SNAP25: variants seen among roughly 807,000 people sequenced by gnomAD.
SNAP25 encodes synaptosomal-associated protein 25.
SNAP25 carries 3 observed loss-of-function variants against 28.7 expected under a neutral mutation model. The ratio of observed to expected loss-of-function variants is 0.10; its 90% CI spans 0.05 to 0.27. SNAP25 has a LOEUF of 0.27. SNAP25 is among the 10% of genes least tolerant of loss of function. The pLI is 1.00. For missense variants in SNAP25, 117 were observed against 278.7 expected (o/e 0.42, Z 4.13); for synonymous variants, 61 against 88.1 (o/e 0.69, Z 1.72).
At chr20:10,223,199 C>A (rs1412924203) in intron 1 of SNAP25, among the ~76,000 whole-genome samples, 1 of 152,154 alleles carries the variant, frequency 6.6e-6, no homozygotes, top group Non-Finnish European at 1.5e-5. Context: ...TCTTTCCCTG[C>A]CTATTTTGCT....
chr20:10,256,708 A>G lies in SNAP25; in HGVS notation c.-63-18721A>G, dbSNP rs532690987. On this transcript the variant is annotated intron_variant, in intron 1 of 7. Transcript: ENST00000254976. ...ATGTTTGTGTAAATATGTTCATGAT[A>G]GCCTAACTTACAATGGCAAAAAGAA... Among the ~76,000 whole-genome samples, 28 of 152,320 alleles carry G rather than the reference A, an allele frequency of 1.8e-4. No homozygotes were observed. In the South Asian group the frequency reaches 5.6e-3, roughly 30 times the overall value.
At chr20:10,254,368 C>A (rs2063282616) in intron 1 of SNAP25, among the ~76,000 whole-genome samples, 1 of 152,210 alleles carries the variant, frequency 6.6e-6, no homozygotes, top group Non-Finnish European at 1.5e-5. Flanking sequence ...GATGCTGGCA[C>A]ACCCCCCTTG....
chr20:10,273,659 G>A (rs1419692164), intron 1 of SNAP25, among the ~76,000 whole-genome samples: 2 of 152,146 alleles, frequency 1.3e-5, no homozygotes, highest in Non-Finnish European at 2.9e-5. Context: ...TACCACTCAT[G>A]GACTGTCTCT....
chr20:10,230,085 C>T (rs2062802202), intron 1 of SNAP25, among the ~76,000 whole-genome samples: 1 of 152,120 alleles, frequency 6.6e-6, no homozygotes, highest in Non-Finnish European at 1.5e-5. Context: ...CCCACCCATA[C>T]CCCCAAGTGA....
intron 1 of SNAP25, among the ~76,000 whole-genome samples, chr20:10,247,879 A>G (rs2063156870): frequency 6.6e-6 from 1 of 152,238 alleles, no homozygotes; most frequent in Admixed American, 6.5e-5. Flanking sequence ...TATTTAGCTC[A>G]TGATTCCATA....
chr20:10,244,734 T>TC (rs1491263793), intron 1 of SNAP25, among the ~76,000 whole-genome samples: 1 of 111,732 alleles, frequency 8.9e-6, no homozygotes, highest in African/African-American at 4.9e-5. Context: ...TCTTTCTCTC[T>TC]TTTTTTTTTT....
chr20:10,254,691 C>G (rs767914578), intron 1 of SNAP25, among the ~76,000 whole-genome samples: 2 of 152,190 alleles, frequency 1.3e-5, no homozygotes, highest in African/African-American at 4.8e-5. Context: ...GAGGAGAAAC[C>G]AGATGGGAAG....
intron 1 of SNAP25, among the ~76,000 whole-genome samples, chr20:10,264,270 T>A (rs1600712420): frequency 6.6e-6 from 1 of 152,162 alleles, no homozygotes; most frequent in Non-Finnish European, 1.5e-5. Context: ...CAGACTTCCC[T>A]TCTCAGAAGA....
At chr20:10,232,345 G>T (rs550840554) in intron 1 of SNAP25, among the ~76,000 whole-genome samples, 1 of 152,354 alleles carries the variant, frequency 6.6e-6, no homozygotes, top group African/African-American at 2.4e-5. Context: ...TGGCATGGAG[G>T]AATGTGATTT....
chr20:10,230,138 A>C (rs2062803465), intron 1 of SNAP25, among the ~76,000 whole-genome samples: 1 of 152,108 alleles, frequency 6.6e-6, no homozygotes, highest in Non-Finnish European at 1.5e-5. Flanking sequence ...GGAGCAGAAA[A>C]TGCAAGCTTG....
rs180842299 is a variant in SNAP25, at chr20:10,238,065, C to G, written c.-64+19088C>G. Among the ~76,000 whole-genome samples, 3 of 152,286 alleles carry G rather than the reference C, an allele frequency of 2.0e-5. No homozygotes were observed. In the East Asian group the frequency reaches 5.8e-4, roughly 29 times the overall value. The stretch of plus-strand genomic sequence containing the variant: ...CCCTCTTATCCTCCAGACCTCCTTA[C>G]CCTAGGGGCTGGGATCACTGTCTGC... On this transcript the variant is annotated intron_variant, in intron 1 of 7. Transcript: ENST00000254976.
intron 1 of SNAP25, among the ~76,000 whole-genome samples, chr20:10,267,564 GT>G (rs1376460527): frequency 1.1e-3 from 171 of 151,986 alleles, no homozygotes; most frequent in African/African-American, 3.8e-3. Context: ...TTCTTTGTTT[GT>G]TTTTTTGAGA....
At chr20:10,240,909 G>A (rs1479594697) in intron 1 of SNAP25, among the ~76,000 whole-genome samples, 1 of 152,200 alleles carries the variant, frequency 6.6e-6, no homozygotes, top group Non-Finnish European at 1.5e-5. Context: ...TGATGCGAAT[G>A]GCTTCAATTG....
intron 1 of SNAP25, among the ~76,000 whole-genome samples, chr20:10,233,906 A>G (rs778608303): frequency 2.6e-5 from 4 of 152,138 alleles, no homozygotes; most frequent in Non-Finnish European, 5.9e-5. Flanking sequence ...TGAGACTCAT[A>G]TGGGTGGCTC....
chr20:10,245,498 C>T (rs363043), intron 1 of SNAP25, among the ~76,000 whole-genome samples: 44,968 of 152,082 alleles, frequency 0.3, 7,048 homozygotes, highest in Middle Eastern at 0.4. Flanking sequence ...TTAGATTAGC[C>T]ATCAAATTAT....
chr20:10,301,066 T>A (rs1204957780), intron 7 of SNAP25, among the ~76,000 whole-genome samples: 1 of 152,164 alleles, frequency 6.6e-6, no homozygotes, highest in Non-Finnish European at 1.5e-5. Context: ...CAAAGCCAAT[T>A]AGGGTTCCAG....
At chr20:10,254,779 C>T in intron 1 of SNAP25, among the ~76,000 whole-genome samples, 1 of 152,298 alleles carries the variant, frequency 6.6e-6, no homozygotes, top group Admixed American at 6.5e-5. Flanking sequence ...GGGCAAAGTG[C>T]TGGAGACGCA....
intron 1 of SNAP25, among the ~76,000 whole-genome samples, chr20:10,266,834 C>G (rs1238937735): frequency 3.3e-5 from 5 of 152,136 alleles, no homozygotes; most frequent in Admixed American, 6.5e-5. Flanking sequence ...CTGAACACAT[C>G]CCTTTCAGAA....
At chr20:10,245,119 G>A (rs2063104183) in intron 1 of SNAP25, among the ~76,000 whole-genome samples, 1 of 152,172 alleles carries the variant, frequency 6.6e-6, no homozygotes, top group Admixed American at 6.5e-5. Context: ...TGGAAAGATT[G>A]CTAAGGAACC....
Sources: gnomAD v4.1 joint callset for allele counts (sites outside exome capture counted in the v4.1 genomes callset) on GRCh38, gnomAD v4.1.1 for gene constraint, MANE v1.5 for transcripts, NCBI Gene and HGNC (gene_info 2026-07-23, HGNC 2026-07-21) for gene names.